Variants in RGS18 observed in about 807,000 individuals in gnomAD.
RGS18 encodes the protein regulator of G protein signaling 18, also known as regulator of G-protein signaling 18.
RGS18 carries 22 observed loss-of-function variants against 27.6 expected under a neutral mutation model. The ratio of observed to expected loss-of-function variants is 0.80; its 90% CI spans 0.57 to 1.14. The LOEUF (loss-of-function observed/expected upper bound fraction) is 1.14. Ranked by LOEUF, RGS18 falls within the 50% of genes most tolerant of loss-of-function variation. The pLI is 0.00. For missense variants in RGS18, 299 were observed against 269.6 expected, an observed-to-expected ratio of 1.11 and a Z score of -0.76; for synonymous variants, 89 against 84.6, an observed-to-expected ratio of 1.05 and a Z score of -0.29.
At chr1:192,176,120 A>T (rs1423552053) in intron 3 of RGS18, among the ~76,000 whole-genome samples, 1 of 151,824 alleles carries the variant, frequency 6.6e-6, no homozygotes, top group Admixed American at 6.6e-5. Context: ...TGGCAAAGGA[A>T]CACAGCAAGG....
intron 2 of RGS18, among the ~76,000 whole-genome samples, chr1:192,159,747 C>G (rs904483390): frequency 6.6e-6 from 1 of 151,850 alleles, no homozygotes; most frequent in Non-Finnish European, 1.5e-5. Flanking sequence ...TTATTTAATT[C>G]AAAAAGAAAA....
intron 3 of RGS18, among the ~76,000 whole-genome samples, chr1:192,161,676 G>A (rs913582209): frequency 1.3e-5 from 2 of 151,840 alleles, no homozygotes; most frequent in Non-Finnish European, 2.9e-5. Context: ...CTTCCAAGAT[G>A]AGGTTAGCCA....
At chr1:192,171,736 A>G (rs1656260030) in intron 3 of RGS18, among the ~76,000 whole-genome samples, 1 of 152,068 alleles carries the variant, frequency 6.6e-6, no homozygotes, top group Non-Finnish European at 1.5e-5. Context: ...TGGAACTCTA[A>G]TACATTAAAA....
At chr1:192,161,817 C>T (rs1656078077) in intron 3 of RGS18, among the ~76,000 whole-genome samples, 1 of 152,202 alleles carries the variant, frequency 6.6e-6, no homozygotes, top group Non-Finnish European at 1.5e-5. Flanking sequence ...AAATACTATG[C>T]TCCATTTAAT....
intron 3 of RGS18, among the ~76,000 whole-genome samples, chr1:192,162,640 T>G (rs1289763179): frequency 6.6e-6 from 1 of 152,178 alleles, no homozygotes; most frequent in Non-Finnish European, 1.5e-5. Context: ...TATGTCAAAC[T>G]TGCCCCGTAC....
chr1:192,163,870 T>TATATA (rs201513735), intron 3 of RGS18, among the ~76,000 whole-genome samples: 2 of 70,350 alleles, frequency 2.8e-5, no homozygotes, highest in Admixed American at 1.8e-4. Context: ...TATATATATA[T>TATATA]TTTTTTTTTT....
At chr1:192,180,492 C>T (rs547438459) in intron 3 of RGS18, among the ~76,000 whole-genome samples, 2 of 151,434 alleles carry the variant, frequency 1.3e-5, no homozygotes, top group African/African-American at 4.8e-5. Context: ...TGGGGCAAGA[C>T]AAAAAGTGAA....
chr1:192,182,234 T>A (rs1656468421), intron 4 of RGS18, among the ~76,000 whole-genome samples: 1 of 151,570 alleles, frequency 6.6e-6, no homozygotes, highest in Admixed American at 6.6e-5. Context: ...GATCGTATGA[T>A]AGTTTTATTT....
chr1:192,161,200 A>C (rs1310600674), intron 3 of RGS18, among the ~76,000 whole-genome samples: 2 of 152,170 alleles, frequency 1.3e-5, no homozygotes, highest in Non-Finnish European at 2.9e-5. Context: ...TCTGTACTTC[A>C]TATCAATTGT....
At chr1:192,168,129 C>CT (rs1656192777) in intron 3 of RGS18, 1 of 152,172 alleles carries the variant, frequency 6.6e-6, no homozygotes. Context: ...TTCTAAAGGA[C>CT]TGTTTAGTAA....
At chr1:192,172,864 C>CATATATATATATATATATATAAATAT (rs549568195) in intron 3 of RGS18, among the ~76,000 whole-genome samples, 2 of 135,544 alleles carry the variant, frequency 1.5e-5, no homozygotes, top group African/African-American at 5.3e-5. Context: ...GAAAAATATG[C>CATATATATATATATATATATAAATAT]ATATATATAT....
chr1:192,159,191 G>T (rs527712482), intron 1 of RGS18, 29 bp from the exon 2 acceptor site: 5 of 1,502,608 alleles, frequency 3.3e-6, no homozygotes, highest in East Asian at 4.5e-5. Flanking sequence ...CATCTAAATT[G>T]TCCTGACATG....
intron 4 of RGS18, among the ~76,000 whole-genome samples, chr1:192,184,031 C>A (rs1304001683): frequency 6.6e-6 from 1 of 151,546 alleles, no homozygotes; most frequent in East Asian, 1.9e-4. Context: ...AAGCCACTCA[C>A]TATCGCAAGG....
intron 3 of RGS18, chr1:192,163,631 C>T (rs1376817903): frequency 2.0e-5 from 3 of 152,060 alleles, no homozygotes; most frequent in Non-Finnish European, 2.9e-5. Context: ...GATATTATCA[C>T]TTGTCATGAT....
intron 3 of RGS18, among the ~76,000 whole-genome samples, chr1:192,161,103 G>A (rs536165690): frequency 2.0e-5 from 3 of 152,330 alleles, no homozygotes; most frequent in Non-Finnish European, 4.4e-5. Flanking sequence ...ACCCGTCTCA[G>A]CCTCCCAAAG....
chr1:192,167,464 G>A (rs1656181799), intron 3 of RGS18, among the ~76,000 whole-genome samples: 1 of 151,656 alleles, frequency 6.6e-6, no homozygotes, highest in South Asian at 2.1e-4. Context: ...CTGTCACCCA[G>A]GCTAGAGTGC....
chr1:192,183,047 A>G (rs1656482068), intron 4 of RGS18, among the ~76,000 whole-genome samples: 1 of 151,644 alleles, frequency 6.6e-6, no homozygotes, highest in African/African-American at 2.4e-5. Context: ...TGGGTATAAG[A>G]CTAGCAAATA....
In RGS18 at chr1:192,184,594, A is replaced by G; in HGVS notation, c.*40A>G. The G allele has an allele frequency of 1.9e-6, 3 of 1,567,486 alleles. No homozygotes were observed. Among genetic ancestry groups the G allele is most frequent in the Non-Finnish European group, 2.6e-6 (3 of 1,141,706 alleles). On this transcript the variant is annotated 3_prime_UTR_variant, in exon 5 of 5. Transcript: ENST00000367460. ...GCTCATTTTTATGACAAACTTATAC[A>G]TCTGCTTCTAACATATCGCATGTTT...
At chr1:192,179,918 A>C (rs111613773) in intron 3 of RGS18, among the ~76,000 whole-genome samples, 3 of 151,686 alleles carry the variant, frequency 2.0e-5, no homozygotes, top group African/African-American at 4.8e-5. Context: ...GTGATATTTC[A>C]CTGTAGTTTT....
Sources: allele counts gnomAD v4.1 joint callset (sites outside exome capture counted in the v4.1 genomes callset), GRCh38; gene constraint gnomAD v4.1.1; transcripts MANE v1.5; gene names NCBI Gene and HGNC (gene_info 2026-07-23, HGNC 2026-07-21).